The following CFAP276 variants were observed in gnomAD, a reference collection of about 807,000 sequenced individuals.
The protein encoded by CFAP276 is cilia and flagella associated protein 276.
the CFAP276 span, chr1:109,108,075 T>C: frequency 1.4e-6 from 2 of 1,428,768 alleles, no homozygotes; most frequent in South Asian, 2.3e-5. Context: ...AACCTGGTTA[T>C]ACGGGAAGCC....
chr1:109,107,955 G>C, the CFAP276 span: 3 of 1,606,450 alleles, frequency 1.9e-6, no homozygotes, highest in Non-Finnish European at 2.6e-6. Context: ...CCGCCTCATG[G>C]AAGTAATTGT....
chr1:109,113,249 T>G, the CFAP276 span, among the ~76,000 whole-genome samples: 3 of 151,806 alleles, frequency 2.0e-5, no homozygotes, highest in African/African-American at 7.3e-5. Flanking sequence ...AAAAATTAGC[T>G]GGGCTTGGTG....
At chr1:109,111,710 A>G in the CFAP276 span, among the ~76,000 whole-genome samples, 1 of 152,076 alleles carries the variant, frequency 6.6e-6, no homozygotes, top group Admixed American at 6.5e-5. Flanking sequence ...TGCCTTGCAT[A>G]TCTGGTTCCT....
chr1:109,113,510 C>G, the CFAP276 span: 1 of 1,020,432 alleles, frequency 9.8e-7, no homozygotes, highest in Admixed American at 2.1e-5. Context: ...AAGGCAAACT[C>G]CTCGCTTAAA....
the CFAP276 span, chr1:109,113,656 G>A: frequency 6.2e-7 from 1 of 1,614,154 alleles, no homozygotes; most frequent in South Asian, 1.1e-5. Flanking sequence ...AGGCGACGAC[G>A]TCTGGAGGGT....
At chr1:109,107,203 C>T in the CFAP276 span, 2 of 1,055,860 alleles carry the variant, frequency 1.9e-6, no homozygotes, top group East Asian at 2.4e-5. Context: ...CTCTACTCTT[C>T]CCCAAAAGTA....
chr1:109,108,182 A>G, the CFAP276 span: 2 of 680,906 alleles, frequency 2.9e-6, no homozygotes, highest in South Asian at 1.7e-5. Flanking sequence ...TCACTCTGTC[A>G]TAGAAGCTGG....
chr1:109,108,217 A>C, the CFAP276 span, among the ~76,000 whole-genome samples: 3 of 152,196 alleles, frequency 2.0e-5, no homozygotes, highest in African/African-American at 7.2e-5. Context: ...ATCTCGGCTC[A>C]CTGCAACCTC....
the CFAP276 span, among the ~76,000 whole-genome samples, chr1:109,108,835 T>G: frequency 6.6e-6 from 1 of 151,396 alleles, no homozygotes; most frequent in Non-Finnish European, 1.5e-5. Flanking sequence ...TAACTGGGAG[T>G]GAGGAGGGCC....
the CFAP276 span, among the ~76,000 whole-genome samples, chr1:109,109,989 C>T: frequency 6.6e-6 from 1 of 152,148 alleles, no homozygotes; most frequent in East Asian, 1.9e-4. Flanking sequence ...TCCCACTCTC[C>T]TTGAAGACCA....
At chr1:109,112,610 G>A in the CFAP276 span, 2 of 1,550,560 alleles carry the variant, frequency 1.3e-6, no homozygotes, top group East Asian at 2.4e-5. Context: ...TTGGAAGCCC[G>A]CAGTTCTCCT....
chr1:109,106,847 A>G, the CFAP276 span: 1 of 874,214 alleles, frequency 1.1e-6, no homozygotes, highest in Non-Finnish European at 1.8e-6. Flanking sequence ...CATCTTAGAC[A>G]GTGAAAATAC....
At chr1:109,112,569 A>C in the CFAP276 span, 27 of 1,549,650 alleles carry the variant, frequency 1.7e-5, no homozygotes, top group Non-Finnish European at 2.3e-5. Flanking sequence ...CGGCGACCCT[A>C]CTGGGAATCT....
chr1:109,113,391 T>A, the CFAP276 span, among the ~76,000 whole-genome samples: 37 of 82,434 alleles, frequency 4.5e-4, 1 homozygote, highest in African/African-American at 1.4e-3. Context: ...AGACCCTGTC[T>A]CAGAGAGAGA....
At chr1:109,105,987 G>T in the CFAP276 span, 2 of 1,496,104 alleles carry the variant, frequency 1.3e-6, no homozygotes, top group Non-Finnish European at 1.8e-6. Flanking sequence ...GAAGTGGGCC[G>T]CAGTATGTTT....
the CFAP276 span, chr1:109,113,749 G>C: frequency 6.4e-7 from 1 of 1,562,342 alleles, no homozygotes. Context: ...TGGCCCGAAA[G>C]GGCAGTAGAA....
chr1:109,108,579 G>A, the CFAP276 span, among the ~76,000 whole-genome samples: 30,625 of 152,142 alleles, frequency 0.2, 4,359 homozygotes, highest in East Asian at 0.42. Context: ...GAGAAGGTGT[G>A]GAGTGGGATG....
the CFAP276 span, among the ~76,000 whole-genome samples, chr1:109,110,279 A>C: frequency 6.6e-6 from 1 of 152,022 alleles, no homozygotes; most frequent in Non-Finnish European, 1.5e-5. Flanking sequence ...ACAGAACCAG[A>C]CCTTTTCAGG....
the CFAP276 span, among the ~76,000 whole-genome samples, chr1:109,109,578 C>T: frequency 0.027 from 3,752 of 139,070 alleles, 190 homozygotes; most frequent in African/African-American, 0.094. Context: ...GCTCTGTCGC[C>T]CAGACTGGAG....
Sources: allele counts gnomAD v4.1 joint callset (sites outside exome capture counted in the v4.1 genomes callset), GRCh38; gene constraint gnomAD v4.1.1; transcripts MANE v1.5; gene names NCBI Gene and HGNC (gene_info 2026-07-23, HGNC 2026-07-21).